Variants in EHBP1 observed in about 807,000 individuals in gnomAD.
EHBP1 encodes EH domain-binding protein 1.
In EHBP1, 55 loss-of-function variants were observed where a neutral mutation model predicts 144.0. That is an observed-to-expected ratio of 0.38 (90% CI 0.31 to 0.48). The LOEUF (loss-of-function observed/expected upper bound fraction) is 0.48. EHBP1 is among the 20% of genes least tolerant of loss of function. EHBP1 has a pLI of 0.98. For synonymous variants in EHBP1, 469 were observed against 472.7 expected (o/e 0.99, Z 0.10); for missense variants, 1,200 against 1,364.2 (o/e 0.88, Z 1.90).
chr2:62,704,160 G>A (rs1353898975), upstream of EHBP1, among the ~76,000 whole-genome samples: 1 of 152,188 alleles, frequency 6.6e-6, no homozygotes, highest in African/African-American at 2.4e-5. Context: ...TAGAAAATAA[G>A]AATCAATATG....
chr2:62,717,026 C>T (rs2035753336), intron 2 of EHBP1, among the ~76,000 whole-genome samples: 1 of 152,180 alleles, frequency 6.6e-6, no homozygotes, highest in African/African-American at 2.4e-5. Flanking sequence ...CTTGGCCCCT[C>T]AAAAGTGCTG....
chr2:62,765,761 G>T lies in EHBP1; in HGVS notation c.258+1400G>T, dbSNP rs146755600. 8.8e-4 allele frequency among the ~76,000 whole-genome samples: 134 copies of T among 152,218 alleles called. 2 individuals carry two copies. The highest frequency in any genetic ancestry group is 2.8e-3 in the African/African-American group (117 of 41,542). On this transcript the variant is annotated intron_variant, in intron 4 of 22. Coordinates refer to ENST00000431489, the MANE Select transcript of EHBP1 (RefSeq NM_001142616.3). ...ATACTAACTGTGCTGGAGCTGTGCTGCATTCCTCAAAATACAAAATGAGAG... is the reference window on the plus strand; with the variant it reads ...ATACTAACTGTGCTGGAGCTGTGCTTCATTCCTCAAAATACAAAATGAGAG...
At chr2:62,767,104 T>A (rs777719343) in intron 4 of EHBP1, among the ~76,000 whole-genome samples, 10 of 152,184 alleles carry the variant, frequency 6.6e-5, no homozygotes, top group African/African-American at 9.6e-5. Flanking sequence ...TTGTCTAGAT[T>A]ATCAAGTCCC....
At chr2:62,839,664 G>A (rs1425592397) in intron 7 of EHBP1, among the ~76,000 whole-genome samples, 2 of 151,312 alleles carry the variant, frequency 1.3e-5, no homozygotes, top group African/African-American at 2.4e-5. Context: ...CAAAATCAAT[G>A]TACAAAAATC....
At chr2:62,916,802 CAT>C (rs562679293) in intron 10 of EHBP1, among the ~76,000 whole-genome samples, 37 of 148,728 alleles carry the variant, frequency 2.5e-4, no homozygotes, top group East Asian at 2.1e-3. Context: ...TATATATAAA[CAT>C]AAAATTTACA....
chr2:62,866,863 A>G (rs1558821918), intron 9 of EHBP1, among the ~76,000 whole-genome samples: 1 of 152,156 alleles, frequency 6.6e-6, no homozygotes, highest in Non-Finnish European at 1.5e-5. Context: ...ACAAACCTAC[A>G]GGTCAAAGAA....
chr2:63,019,992 C>T (rs932340096), intron 19 of EHBP1, among the ~76,000 whole-genome samples: 9 of 151,402 alleles, frequency 5.9e-5, no homozygotes, highest in African/African-American at 2.2e-4. Flanking sequence ...AATTGGAGAC[C>T]GGCCTGGCCA....
At chr2:62,898,223 C>T (rs568430226) in intron 10 of EHBP1, among the ~76,000 whole-genome samples, 3 of 152,256 alleles carry the variant, frequency 2.0e-5, no homozygotes, top group African/African-American at 7.2e-5. Context: ...AGCAAGACTT[C>T]CAGTTCCAAA....
intron 5 of EHBP1, among the ~76,000 whole-genome samples, chr2:62,823,949 C>T (rs1337489689): frequency 6.6e-6 from 1 of 151,954 alleles, no homozygotes; most frequent in Non-Finnish European, 1.5e-5. Context: ...TGCATTGTTC[C>T]TAAGCAAATA....
intron 21 of EHBP1, among the ~76,000 whole-genome samples, chr2:63,042,896 A>C (rs1417713136): frequency 6.6e-6 from 1 of 152,010 alleles, no homozygotes; most frequent in African/African-American, 2.4e-5. Flanking sequence ...ATTTAATTCT[A>C]TTTTTGAAAA....
chr2:62,753,318 T>G (rs570549707), intron 3 of EHBP1, among the ~76,000 whole-genome samples: 2 of 152,218 alleles, frequency 1.3e-5, no homozygotes, highest in Non-Finnish European at 2.9e-5. Flanking sequence ...TTAAGAATGT[T>G]GAATATTGGC....
chr2:62,931,501 G>A (rs1412117873), intron 10 of EHBP1, among the ~76,000 whole-genome samples: 2 of 152,174 alleles, frequency 1.3e-5, no homozygotes, highest in African/African-American at 4.8e-5. Context: ...ATTAAAAATA[G>A]AGTTACCATA....
At position 62,763,458 on chromosome 2, in the gene EHBP1, T is replaced by G. The variant is rs556058661; in HGVS notation, c.163-808T>G. 7.8e-4 allele frequency among the ~76,000 whole-genome samples: 119 copies of G among 152,324 alleles called. 1 individual carries two copies. The highest frequency in any genetic ancestry group is 2.7e-3 in the African/African-American group (113 of 41,584). ...TTATGTAGATTAAATGAGTTTAACA[T>G]AAGTAAATTCTTAAGACATGGACCG... On this transcript the variant is annotated intron_variant, in intron 3 of 22. Transcript: ENST00000431489.
chr2:63,037,665 T>C (rs746076614), intron 20 of EHBP1, 31 bp downstream of exon 20: 9 of 1,317,824 alleles, frequency 6.8e-6, no homozygotes, highest in Non-Finnish European at 9.6e-6. Context: ...TTGTTTTGCC[T>C]ACAACATTGA....
intron 19 of EHBP1, among the ~76,000 whole-genome samples, chr2:63,035,217 G>C (rs183359736): frequency 6.6e-6 from 1 of 151,974 alleles, no homozygotes; most frequent in African/African-American, 2.4e-5. Context: ...ATGAGGTTAC[G>C]TATAGATGTC....
intron 2 of EHBP1, among the ~76,000 whole-genome samples, chr2:62,719,568 A>G (rs548970501): frequency 7.2e-5 from 11 of 152,348 alleles, no homozygotes; most frequent in African/African-American, 2.2e-4. Context: ...CACACAAAGT[A>G]TAGTTGGTCC....
intron 12 of EHBP1, among the ~76,000 whole-genome samples, chr2:62,948,058 T>C (rs1419042698): frequency 6.6e-6 from 1 of 152,198 alleles, no homozygotes; most frequent in Non-Finnish European, 1.5e-5. Flanking sequence ...GAAAAAATAT[T>C]TTAATTCTTA....
Position 63,045,054 on chromosome 2 carries a change from C to T in EHBP1, c.3278-12C>T, listed in dbSNP as rs969852967. The T allele has an allele frequency of 1.1e-5, 17 of 1,539,114 alleles. No homozygotes were observed. The highest frequency in any genetic ancestry group is 1.4e-5 in the Non-Finnish European group (16 of 1,136,214). On this transcript the variant is annotated splice_polypyrimidine_tract_variant and intron_variant, in intron 21 of 22. Transcript: ENST00000431489. The surrounding 1 kb of genome is among the most constrained non-coding windows in gnomAD (Gnocchi z 5.7). ...CCCTGCCGGTGGGTAACTAGCCTCCCGTCTTCTGCAGACTGGCAGAAGACC... is the reference window on the plus strand; with the variant it reads ...CCCTGCCGGTGGGTAACTAGCCTCCTGTCTTCTGCAGACTGGCAGAAGACC...
chr2:62,759,494 C>A (rs2040585314), intron 3 of EHBP1, among the ~76,000 whole-genome samples: 1 of 152,064 alleles, frequency 6.6e-6, no homozygotes, highest in South Asian at 2.1e-4. Flanking sequence ...TAGCCTCCAC[C>A]TCCCTGGTTC....
Sources: gnomAD v4.1 joint callset for allele counts (sites outside exome capture counted in the v4.1 genomes callset) on GRCh38, gnomAD v4.1.1 for gene constraint, Gnocchi (gnomAD v3.1) non-coding constraint, MANE v1.5 for transcripts, NCBI Gene and HGNC (gene_info 2026-07-23, HGNC 2026-07-21) for gene names.